HARS1: variants seen among roughly 807,000 people sequenced by gnomAD.
HARS1 encodes the protein histidyl-tRNA synthetase 1, also known as histidine--tRNA ligase, cytoplasmic.
HARS1 carries 45 observed loss-of-function variants against 63.6 expected under a neutral mutation model. The observed-to-expected ratio is 0.71, with a 90% CI of 0.56 to 0.91. The LOEUF (loss-of-function observed/expected upper bound fraction) is 0.91. Among genes scored for constraint, HARS1 ranks in the 40% least tolerant of loss-of-function variants. The probability of loss-of-function intolerance (pLI) is 0.00; values close to 1 mark genes in which losing one functional copy is unlikely to be tolerated. For missense variants in HARS1, 508 were observed against 643.2 expected, an observed-to-expected ratio of 0.79 and a Z score of 2.27; for synonymous variants, 205 against 247.1, an observed-to-expected ratio of 0.83 and a Z score of 1.60.
chr5:140,683,174 CCTT>C lies in HARS1; in HGVS notation c.223_225del (p.Lys75del), dbSNP rs1185763867. 1.8e-5 allele frequency: 29 copies of C among 1,613,748 alleles called. No individual in the cohort carries two copies. Among genetic ancestry groups the C allele is most frequent in the Non-Finnish European group, 2.5e-5 (29 of 1,179,722 alleles). On this transcript the variant is annotated inframe_deletion, in exon 3 of 13. Coordinates refer to ENST00000504156, the MANE Select transcript of HARS1 (RefSeq NM_002109.6). Reference sequence around the variant, plus strand: ...AAGCAACGGATGATTACGTCAAACACCTTCTCGCGAACTGCCATCTGCCGGGGA... The same window carrying C: ...AAGCAACGGATGATTACGTCAAACACCTCGCGAACTGCCATCTGCCGGGGA...
rs193103291 is a variant in HARS1 at position 140,689,237 on chromosome 5, G to A, written c.180+1618C>T. On this transcript the variant is annotated intron_variant, in intron 2 of 12. Transcript: ENST00000504156. ...CAATTTCAAATACATGTATTAAATA[G>A]AATCATCCCTCAGTATCCACAGGAG... Among the ~76,000 whole-genome samples the A allele has an allele frequency of 2.0e-3, 299 of 152,194 alleles. 1 individual carries two copies. Among genetic ancestry groups the A allele is most frequent in the Middle Eastern group, 0.01 (3 of 294 alleles).
chr5:140,688,077 C>G (rs1174107787), intron 2 of HARS1: 1 of 152,254 alleles, frequency 6.6e-6, no homozygotes, highest in Non-Finnish European at 1.5e-5. Flanking sequence ...GCACTCCAGC[C>G]TGGGCGACAG....
chr5:140,691,141 T>C (rs1759400865), intron 1 of HARS1, 74 bp downstream of exon 1: 1 of 1,183,562 alleles, frequency 8.4e-7, no homozygotes, highest in African/African-American at 1.5e-5. Flanking sequence ...ATCTCTACCC[T>C]ATGTCCCGAA....
At chr5:140,674,939 C>T in intron 11 of HARS1, 78 bp downstream of exon 11, 2 of 1,476,854 alleles carry the variant, frequency 1.4e-6, no homozygotes, top group Non-Finnish European at 1.9e-6. Context: ...ATGGCAGGAT[C>T]CATTATGGGT....
intron 2 of HARS1, among the ~76,000 whole-genome samples, chr5:140,688,205 A>G (rs1173706798): frequency 6.6e-6 from 1 of 152,226 alleles, no homozygotes; most frequent in African/African-American, 2.4e-5. Context: ...TTGTCCCCAC[A>G]ATACTGAGTT....
chr5:140,678,163 C>T (rs1391171948), intron 5 of HARS1, 148 bp from the exon 6 acceptor site: 5 of 611,710 alleles, frequency 8.2e-6, no homozygotes, highest in Admixed American at 5.7e-5. Context: ...AGGTAAACCC[C>T]GGCATCTTTG....
At chr5:140,689,693 G>T (rs1015891339) in intron 2 of HARS1, among the ~76,000 whole-genome samples, 1 of 152,216 alleles carries the variant, frequency 6.6e-6, no homozygotes, top group Non-Finnish European at 1.5e-5. Flanking sequence ...ATGGAGGGCT[G>T]ACTATACCTA....
chr5:140,680,765 G>A (rs1203867598), intron 3 of HARS1, among the ~76,000 whole-genome samples: 5 of 151,732 alleles, frequency 3.3e-5, no homozygotes, highest in Non-Finnish European at 5.9e-5. Context: ...GCTTGAACCC[G>A]GGAGGCAGAG....
At chr5:140,677,868 C>T in intron 6 of HARS1, 40 bp downstream of exon 6, 1 of 1,449,538 alleles carries the variant, frequency 6.9e-7, no homozygotes, top group Non-Finnish European at 9.7e-7. Flanking sequence ...TTGTGAGAGG[C>T]CAGGCCCAAC....
chr5:140,678,954 A>G, intron 5 of HARS1, 48 bp downstream of exon 5: 1 of 1,599,742 alleles, frequency 6.3e-7, no homozygotes, highest in African/African-American at 1.3e-5. Flanking sequence ...TGCTGGCTTG[A>G]GAGAGCCCCA....
intron 3 of HARS1, among the ~76,000 whole-genome samples, chr5:140,680,764 C>T (rs1400039772): frequency 2.0e-5 from 3 of 151,334 alleles, no homozygotes; most frequent in Admixed American, 6.6e-5. Flanking sequence ...CGCTTGAACC[C>T]GGGAGGCAGA....
chr5:140,675,014 T>A lies in HARS1; in HGVS notation c.1311+3A>T, dbSNP rs1562001144. On this transcript the variant is annotated splice_donor_region_variant and intron_variant, in intron 11 of 12. Coordinates refer to ENST00000504156, the MANE Select transcript of HARS1 (RefSeq NM_002109.6). ...CTGCCACCCTGGGGCTTGCCTCCCATACCTTGATCCCAGCATCCCACAGTT... is the reference window on the plus strand; with the variant it reads ...CTGCCACCCTGGGGCTTGCCTCCCAAACCTTGATCCCAGCATCCCACAGTT... 6.3e-7 allele frequency: 1 copy of A among 1,598,482 alleles called. No homozygotes were observed. Among genetic ancestry groups the A allele is most frequent in the Non-Finnish European group, 8.6e-7 (1 of 1,165,896 alleles).
At chr5:140,684,866 T>C (rs1269849394) in intron 2 of HARS1, 1 of 152,232 alleles carries the variant, frequency 6.6e-6, no homozygotes, top group African/African-American at 2.4e-5. Context: ...AAAAGGTAAC[T>C]GTTTTCCAAA....
rs748357038 is a variant in HARS1, at chr5:140,679,019, G to A, written c.505C>T (p.Arg169Trp). The change falls in exon 5 of 13, where the codon CGG (arginine) becomes TGG (tryptophan). Residue 169 changes from arginine to tryptophan, a missense_variant. By Grantham distance (101) the Arg-to-Trp change is moderately radical (BLOSUM62 -3). This residue lies in a region of HARS1 where 403 missense variants were observed against 548.7 expected (regional missense o/e 0.73). Transcript: ENST00000504156. This position sits in a 1 kb window ranked among gnomAD's most constrained non-coding sequence, Gnocchi z 4.3. ...DNPAMTRGRY[R>W]EFYQCDFDIA... is the part of the protein sequence containing the mutation. Reference sequence around the variant, plus strand: ...ACACTCACACACTGGTAGAATTCCCGGTATCGGCCACGGGTCATGGCTGGG... The same window carrying A: ...ACACTCACACACTGGTAGAATTCCCAGTATCGGCCACGGGTCATGGCTGGG... The A allele has an allele frequency of 1.2e-6, 2 of 1,613,914 alleles. No individual in the cohort carries two copies. The highest frequency in any genetic ancestry group is 1.1e-5 in the South Asian group (1 of 91,068).
rs781075470 is a variant in HARS1, at chr5:140,676,780, A to G, written c.1068T>C (p.Ser356=). The G allele has an allele frequency of 2.5e-6, 4 of 1,614,186 alleles. No individual in the cohort carries two copies. The highest frequency in any genetic ancestry group is 1.1e-5 in the South Asian group (1 of 91,082). The change falls in exon 10 of 13, where the codon AGT becomes AGC. Residue 356 remains serine (S), a synonymous_variant. Transcript: ENST00000504156. This position sits in a 1 kb window ranked among gnomAD's most constrained non-coding sequence, Gnocchi z 4.1. ...CATCATAGCGTCCTCCAGCAGCCAC[A>G]CTGCCCACACCCAGGGGCTCTTCCC... is the stretch of plus-strand genomic sequence containing the variant. ...QAGEEPLGVG[S]VAAGGRYDGL... is the part of the protein sequence containing the mutation.
intron 10 of HARS1, chr5:140,675,408 CTTT>C (rs532733339): frequency 1.7e-3 from 376 of 219,846 alleles, no homozygotes; most frequent in South Asian, 3.7e-3. Flanking sequence ...CATGTAGTAC[CTTT>C]TTTTTTTTTT....
In HARS1 at chr5:140,676,904, G is replaced by T; in HGVS notation, c.952-8C>A. ...GCTCAGGTCAAAGGAGATCTGTGGA[G>T]ATAAGAAAATGGTCAGTGCCAGATT... On this transcript the variant is annotated splice_polypyrimidine_tract_variant and splice_region_variant and intron_variant, in intron 9 of 12. Transcript: ENST00000504156. The surrounding 1 kb of genome is among the most constrained non-coding windows in gnomAD (Gnocchi z 4.1). 6.2e-7 allele frequency: 1 copy of T among 1,613,042 alleles called. No homozygotes were observed. Among genetic ancestry groups the T allele is most frequent in the African/African-American group, 1.3e-5 (1 of 75,004 alleles).
intron 2 of HARS1, chr5:140,687,905 C>G (rs1357436320): frequency 6.6e-6 from 1 of 152,152 alleles, no homozygotes; most frequent in Non-Finnish European, 1.5e-5. Context: ...GAATTCAAGA[C>G]CAGCGCAGCC....
chr5:140,675,410 T>A, intron 10 of HARS1: 1 of 185,802 alleles, frequency 5.4e-6, no homozygotes, highest in Non-Finnish European at 1.1e-5. Context: ...TGTAGTACCT[T>A]TTTTTTTTTT....
Sources: allele counts gnomAD v4.1 joint callset (sites outside exome capture counted in the v4.1 genomes callset), GRCh38; gene constraint gnomAD v4.1.1; regional missense constraint gnomAD v4.1.1; non-coding constraint Gnocchi (gnomAD v3.1); transcripts MANE v1.5; gene names NCBI Gene and HGNC (gene_info 2026-07-23, HGNC 2026-07-21).